Variants in ICE2 observed in about 807,000 individuals in gnomAD.
The protein encoded by ICE2 is interactor of little elongation complex ELL subunit 2.
ICE2 carries 87 observed loss-of-function variants against 105.4 expected under a neutral mutation model. That is an observed-to-expected ratio of 0.83 (90% confidence interval 0.69 to 0.99). The LOEUF (loss-of-function observed/expected upper bound fraction) is 0.99, where lower values mean the gene tolerates loss of function less well. ICE2 is among the 50% of genes least tolerant of loss of function. The pLI, the probability that ICE2 is intolerant of heterozygous loss-of-function variation, is 0.00. For synonymous variants in ICE2, 399 were observed against 392.0 expected, an observed-to-expected ratio of 1.02 and a Z score of -0.21; for missense variants, 1,323 against 1,146.7, an observed-to-expected ratio of 1.15 and a Z score of -2.22.
chr15:60,474,600 G>C (rs2064702865), intron 3 of ICE2, among the ~76,000 whole-genome samples: 1 of 152,176 alleles, frequency 6.6e-6, no homozygotes, highest in Non-Finnish European at 1.5e-5. Context: ...TCCATCCTTT[G>C]ATTGGGGAGT....
intron 9 of ICE2, chr15:60,451,787 G>A (rs1490974405): frequency 4.8e-6 from 1 of 206,812 alleles, no homozygotes; most frequent in Non-Finnish European, 8.5e-6. Context: ...TATCCCCCTA[G>A]TCCTATGATG....
rs1021982856 is a variant in ICE2 at position 60,422,320 on chromosome 15, A to C, written c.*1314T>G. On this transcript the variant is annotated 3_prime_UTR_variant, in exon 16 of 16. Transcript: ENST00000261520. ...GCTAACTTTTTTATTTGTAGAGATG[A>C]GGTCTGTGTTGCCCAGACTGGTCTC... 2.0e-5 allele frequency: 3 copies of C among 151,898 alleles called. No individual in the cohort carries two copies. The highest frequency in any genetic ancestry group is 6.6e-5 in the Admixed American group (1 of 15,240). 9.4% of individuals were successfully genotyped at this position (151,898 alleles called of 1,614,324 possible).
chr15:60,453,253 A>G lies in ICE2; in HGVS notation c.1125+350T>C, dbSNP rs555956350. On this transcript the variant is annotated intron_variant, in intron 9 of 15. Coordinates refer to ENST00000261520, the MANE Select transcript of ICE2 (RefSeq NM_024611.6). ...TCTCAAAAAAATAAAACTCTTGAAT[A>G]TGAATGAGACCAATTAAACAAAACC... is the stretch of plus-strand genomic sequence containing the variant. 18 of 1,017,492 alleles carry G rather than the reference A, an allele frequency of 1.8e-5. No individual in the cohort carries two copies. The South Asian group carries it at 7.2e-4, about 40-fold the overall frequency. 63.0% of individuals were successfully genotyped at this position (1,017,492 alleles called of 1,614,324 possible).
chr15:60,438,101 G>T (rs1297035856), intron 12 of ICE2: 6 of 152,108 alleles, frequency 3.9e-5, no homozygotes, highest in African/African-American at 1.4e-4. Flanking sequence ...TAACACCAAG[G>T]TCCTGAAATA....
At chr15:60,460,870 C>T (rs1298349994) in intron 5 of ICE2, among the ~76,000 whole-genome samples, 1 of 152,126 alleles carries the variant, frequency 6.6e-6, no homozygotes, top group Non-Finnish European at 1.5e-5. Context: ...AACTTGAAAT[C>T]AACATAGACT....
intron 14 of ICE2, among the ~76,000 whole-genome samples, chr15:60,430,098 A>G (rs2063423633): frequency 6.6e-6 from 1 of 152,234 alleles, no homozygotes; most frequent in South Asian, 2.1e-4. Flanking sequence ...AAGGTAGCAG[A>G]TGGAATTAAG....
At chr15:60,431,180 CTTCT>C (rs989582051) in intron 14 of ICE2, among the ~76,000 whole-genome samples, 6 of 151,332 alleles carry the variant, frequency 4.0e-5, no homozygotes, top group Admixed American at 1.3e-4. Context: ...CCTCTATGTT[CTTCT>C]TTTTTTTTTT....
intron 3 of ICE2, among the ~76,000 whole-genome samples, chr15:60,475,140 G>C (rs1218508139): frequency 6.6e-6 from 1 of 152,136 alleles, no homozygotes; most frequent in East Asian, 1.9e-4. Flanking sequence ...TTCCCTGGGG[G>C]AGTTTCCTAA....
Position 60,457,516 on chromosome 15 carries a change from A to G in ICE2, c.529-722T>C, listed in dbSNP as rs867906563. On this transcript the variant is annotated intron_variant, in intron 5 of 15. Transcript: ENST00000261520. The stretch of plus-strand genomic sequence containing the variant: ...AACCTTATCTGAAATGTCTTAGAAA[A>G]TATTTTAGGTCACAAAAGCTCTTGA... Among the ~76,000 whole-genome samples the G allele has an allele frequency of 2.0e-5, 3 of 152,258 alleles. No individual in the cohort carries two copies. The South Asian group carries it at 6.2e-4, about 32-fold the overall frequency.
Position 60,419,829 on chromosome 15 carries a change from T to C in ICE2, c.*3805A>G, listed in dbSNP as rs551518078. On this transcript the variant is annotated 3_prime_UTR_variant, in exon 16 of 16. Transcript: ENST00000261520. ...ACAGATGCAGTATGCTAATGAAAAG[T>C]TAAAGTTTTCTTTCCTCTCCCTCCC... is the stretch of plus-strand genomic sequence containing the variant. 2.0e-4 allele frequency: 31 copies of C among 152,304 alleles called. No homozygotes were observed. The highest frequency in any genetic ancestry group is 6.7e-4 in the African/African-American group (28 of 41,560). 9.4% of individuals were successfully genotyped at this position (152,304 alleles called of 1,614,324 possible).
At chr15:60,433,665 A>G (rs1414775755) in intron 13 of ICE2, among the ~76,000 whole-genome samples, 3 of 151,552 alleles carry the variant, frequency 2.0e-5, no homozygotes, top group African/African-American at 7.3e-5. Flanking sequence ...TAATTTTTGT[A>G]TTTTTAGTAG....
intron 11 of ICE2, among the ~76,000 whole-genome samples, chr15:60,446,201 G>GT (rs1387204809): frequency 6.6e-6 from 1 of 152,146 alleles, no homozygotes; most frequent in South Asian, 2.1e-4. Context: ...TGAATTAGAA[G>GT]TTTAAGAATT....
Position 60,455,157 on chromosome 15 carries a change from A to C in ICE2, c.789T>G (p.Ile263Met). The part of the protein sequence containing the change: ...EQTAEAMHYD[I>M]SKDPNAEKLV... ...GCTTCTCTGCATTTGGATCTTTACT[A>C]ATATCCTGAAAAACAACAAGTAATT... Residue 263 changes from isoleucine to methionine, a missense_variant, in exon 8 of 16, where the codon ATT (isoleucine) becomes ATG (methionine). By Grantham distance (10) the Ile-to-Met change is conservative (BLOSUM62 1). Coordinates refer to ENST00000261520, the MANE Select transcript of ICE2 (RefSeq NM_024611.6). 6.4e-7 allele frequency: 1 copy of C among 1,566,782 alleles called. No individual in the cohort carries two copies. Among genetic ancestry groups the C allele is most frequent in the Non-Finnish European group, 8.6e-7 (1 of 1,163,732 alleles).
rs1329034233 is a variant in ICE2 at position 60,476,057 on chromosome 15, T to C, written c.146+6A>G. On this transcript the variant is annotated splice_donor_region_variant and intron_variant, in intron 3 of 15. Coordinates refer to ENST00000261520, the MANE Select transcript of ICE2 (RefSeq NM_024611.6). ...ATGGAAATAAATAACCAAATAAACATATTACCTGTTGGATAAAACACGTAG... is the reference window on the plus strand; with the variant it reads ...ATGGAAATAAATAACCAAATAAACACATTACCTGTTGGATAAAACACGTAG... The C allele has an allele frequency of 2.6e-6, 4 of 1,546,728 alleles. No individual in the cohort carries two copies. The highest frequency in any genetic ancestry group is 3.5e-6 in the Non-Finnish European group (4 of 1,136,488).
intron 11 of ICE2, among the ~76,000 whole-genome samples, chr15:60,444,334 T>C (rs2063779454): frequency 6.6e-6 from 1 of 152,180 alleles, no homozygotes; most frequent in South Asian, 2.1e-4. Context: ...TAAAACCAGT[T>C]TAATTTCTGT....
intron 5 of ICE2, among the ~76,000 whole-genome samples, chr15:60,466,163 C>T (rs962076688): frequency 1.3e-5 from 2 of 152,046 alleles, no homozygotes; most frequent in Non-Finnish European, 2.9e-5. Context: ...AGTGAAGTAT[C>T]CAAAAATGAA....
rs768574361 is a variant in ICE2, at chr15:60,448,952, T to C, written c.2015A>G (p.Glu672Gly). ...AGAAACAGAAGGCTGTTTAGAATTT[T>C]CTAAATTCATTAAGGGCAATTCTGG... ...KVPELPLMNL[E>G]NSKQPSVSEQ... The change falls in exon 10 of 16, where the codon GAA (glutamate) becomes GGA (glycine). Residue 672 changes from glutamate to glycine, a missense_variant. Physicochemically the swap from Glu to Gly is moderately conservative, Grantham distance 98. Coordinates refer to ENST00000261520, the MANE Select transcript of ICE2 (RefSeq NM_024611.6). 1.2e-5 allele frequency: 19 copies of C among 1,613,996 alleles called. 1 individual carries two copies. In the Middle Eastern group the frequency reaches 4.9e-4, roughly 42 times the overall value.
intron 9 of ICE2, chr15:60,451,243 T>C (rs1489729771): frequency 3.3e-6 from 2 of 609,840 alleles, no homozygotes; most frequent in African/African-American, 2.0e-5. Flanking sequence ...GATGAGAATA[T>C]ATATGAAAGA....
In ICE2 at chr15:60,449,132, T is replaced by C; in HGVS notation, c.1835A>G (p.Gln612Arg). 1 of 1,614,074 alleles carries C rather than the reference T, an allele frequency of 6.2e-7. No individual in the cohort carries two copies. The change falls in exon 10 of 16, where the codon CAG becomes CGG. Residue 612 changes from glutamine to arginine, a missense_variant. By Grantham distance (43) the Gln-to-Arg change is conservative (BLOSUM62 1). Coordinates refer to ENST00000261520, the MANE Select transcript of ICE2 (RefSeq NM_024611.6). Reference protein sequence around the residue: ...RPASPNSSSGQASVGNQTNTA... With the variant: ...RPASPNSSSGRASVGNQTNTA... Reference sequence around the variant, plus strand: ...ATTAGTCTGGTTTCCTACAGAAGCCTGTCCTGAGGAAGAATTTGGACTAGC... The same window carrying C: ...ATTAGTCTGGTTTCCTACAGAAGCCCGTCCTGAGGAAGAATTTGGACTAGC...
Sources: gnomAD v4.1 joint callset for allele counts (sites outside exome capture counted in the v4.1 genomes callset) on GRCh38, gnomAD v4.1.1 for gene constraint, MANE v1.5 for transcripts, NCBI Gene and HGNC (gene_info 2026-07-23, HGNC 2026-07-21) for gene names.